The following CNTNAP2 variants were observed in gnomAD, a reference collection of about 807,000 sequenced individuals.
CNTNAP2 encodes the protein contactin associated protein 2.
A neutral mutation model predicts 155.2 loss-of-function variants in CNTNAP2; 98 were observed. That is an observed-to-expected ratio of 0.63 (90% confidence interval 0.54 to 0.75). The LOEUF (loss-of-function observed/expected upper bound fraction) is 0.75. Ranked by LOEUF, CNTNAP2 falls within the 30% of genes least tolerant of loss-of-function variation. The pLI, the probability that CNTNAP2 is intolerant of heterozygous loss-of-function variation, is 0.00. For missense variants in CNTNAP2, 1,727 were observed against 1,688.1 expected (o/e 1.02, Z -0.40); for synonymous variants, 651 against 631.2 (o/e 1.03, Z -0.47).
intron 3 of CNTNAP2, among the ~76,000 whole-genome samples, chr7:147,041,477 A>C (rs1799258754): frequency 1.3e-5 from 2 of 152,186 alleles, no homozygotes; most frequent in African/African-American, 2.4e-5. Context: ...ATCCTCCTTT[A>C]TGCCAACCTA....
rs1255722011 is a variant in CNTNAP2, at chr7:146,929,098, A to C, written c.402+89194A>C. ...TGAAGAGAGCAGTGGCTCTCCCAGC[A>C]TGCAGCTGGAGATTTGAGAATGGGC... On this transcript the variant is annotated intron_variant, in intron 3 of 23. Coordinates refer to ENST00000361727, the MANE Select transcript of CNTNAP2 (RefSeq NM_014141.6). 2.0e-5 allele frequency among the ~76,000 whole-genome samples: 3 copies of C among 152,194 alleles called. No individual in the cohort carries two copies. The East Asian group carries it at 5.8e-4, about 29-fold the overall frequency.
intron 3 of CNTNAP2, among the ~76,000 whole-genome samples, chr7:146,987,259 TC>T (rs1045808547): frequency 4.9e-4 from 74 of 152,292 alleles, no homozygotes; most frequent in African/African-American, 1.8e-3. Flanking sequence ...TGAGGTATTA[TC>T]CTTTTTTGTA....
intron 10 of CNTNAP2, among the ~76,000 whole-genome samples, chr7:147,441,402 A>G (rs1382402485): frequency 2.0e-5 from 3 of 152,022 alleles, no homozygotes; most frequent in Non-Finnish European, 4.4e-5. Context: ...CAAAACGGCT[A>G]TTTGTGAATT....
intron 1 of CNTNAP2, among the ~76,000 whole-genome samples, chr7:146,698,414 A>G (rs1310242933): frequency 6.6e-6 from 1 of 152,142 alleles, no homozygotes; most frequent in Non-Finnish European, 1.5e-5. Context: ...ATTTCACTTG[A>G]TACAGAGTTC....
intron 1 of CNTNAP2, among the ~76,000 whole-genome samples, chr7:146,313,305 T>A (rs1459308165): frequency 6.6e-6 from 1 of 152,202 alleles, no homozygotes; most frequent in African/African-American, 2.4e-5. Flanking sequence ...TCTCTGATGA[T>A]TGGAGATGTG....
chr7:146,408,747 A>G (rs1361765807), intron 1 of CNTNAP2, among the ~76,000 whole-genome samples: 1 of 152,166 alleles, frequency 6.6e-6, no homozygotes, highest in Non-Finnish European at 1.5e-5. Flanking sequence ...CGTTGTGCAC[A>G]TGTACCCTAG....
At chr7:146,331,099 T>G (rs577273861) in intron 1 of CNTNAP2, among the ~76,000 whole-genome samples, 1 of 151,806 alleles carries the variant, frequency 6.6e-6, no homozygotes, top group South Asian at 2.1e-4. Flanking sequence ...GGTCAGGAGA[T>G]CGAGACCATC....
At chr7:147,655,636 T>G (rs1364353944) in intron 13 of CNTNAP2, among the ~76,000 whole-genome samples, 1 of 152,216 alleles carries the variant, frequency 6.6e-6, no homozygotes, top group African/African-American at 2.4e-5. Flanking sequence ...GCTTAAAGTA[T>G]TCAGTAAACC....
intron 18 of CNTNAP2, among the ~76,000 whole-genome samples, chr7:148,213,237 A>G (rs916026994): frequency 6.6e-6 from 1 of 152,170 alleles, no homozygotes; most frequent in African/African-American, 2.4e-5. Context: ...AAATTCTGGG[A>G]CTAGGCCTGG....
chr7:147,844,987 T>A (rs1164214021), intron 13 of CNTNAP2, among the ~76,000 whole-genome samples: 2 of 142,042 alleles, frequency 1.4e-5, no homozygotes, highest in East Asian at 4.1e-4. Context: ...TGCTGCTGGA[T>A]TCGGTTTGCC....
intron 11 of CNTNAP2, among the ~76,000 whole-genome samples, chr7:147,511,632 G>C (rs1030753975): frequency 4.6e-5 from 7 of 151,924 alleles, no homozygotes; most frequent in Non-Finnish European, 1.0e-4. Flanking sequence ...CAGCAAGAAA[G>C]AGAGAAAGGA....
chr7:148,155,294 T>G (rs1179944758), intron 17 of CNTNAP2, among the ~76,000 whole-genome samples: 1 of 152,210 alleles, frequency 6.6e-6, no homozygotes, highest in Non-Finnish European at 1.5e-5. Flanking sequence ...CTGGGCAAAG[T>G]TGAACAGGCA....
intron 11 of CNTNAP2, among the ~76,000 whole-genome samples, chr7:147,545,523 A>G (rs1799713927): frequency 6.6e-6 from 1 of 152,188 alleles, no homozygotes; most frequent in Non-Finnish European, 1.5e-5. Context: ...TGATTCGAAT[A>G]GGTTATCAGT....
chr7:147,605,980 T>C lies in CNTNAP2; in HGVS notation c.1898-33126T>C, dbSNP rs559399934. Among the ~76,000 whole-genome samples, 29 of 152,038 alleles carry C rather than the reference T, an allele frequency of 1.9e-4. No individual in the cohort carries two copies. The South Asian group carries it at 6.1e-3, about 32-fold the overall frequency. ...AAATAACATGAGCCTCCTGTGATTG[T>C]TGTTCCCATAATAGTGAGTAGCAAG... On this transcript the variant is annotated intron_variant, in intron 12 of 23. Transcript: ENST00000361727.
intron 8 of CNTNAP2, among the ~76,000 whole-genome samples, chr7:147,262,580 G>A (rs555426627): frequency 6.6e-6 from 1 of 152,210 alleles, no homozygotes; most frequent in African/African-American, 2.4e-5. Flanking sequence ...CGAGGTGGGC[G>A]GATCACGGGT....
intron 1 of CNTNAP2, among the ~76,000 whole-genome samples, chr7:146,493,830 T>C (rs772456434): frequency 3.3e-5 from 5 of 152,114 alleles, no homozygotes; most frequent in Non-Finnish European, 7.4e-5. Flanking sequence ...TGCATTTCAA[T>C]ATAGAATGAG....
At chr7:146,739,150 C>T (rs1195113984) in intron 1 of CNTNAP2, among the ~76,000 whole-genome samples, 1 of 151,588 alleles carries the variant, frequency 6.6e-6, no homozygotes, top group Non-Finnish European at 1.5e-5. Flanking sequence ...TGCCCTGGTC[C>T]TTATTATTTT....
intron 3 of CNTNAP2, among the ~76,000 whole-genome samples, chr7:146,891,441 G>T (rs886821786): frequency 6.6e-6 from 1 of 152,156 alleles, no homozygotes; most frequent in African/African-American, 2.4e-5. Flanking sequence ...AGACAAATTT[G>T]CACGATGTTT....
At chr7:146,178,483 A>G (rs1329772969) in intron 1 of CNTNAP2, among the ~76,000 whole-genome samples, 2 of 152,174 alleles carry the variant, frequency 1.3e-5, no homozygotes, top group Non-Finnish European at 2.9e-5. Context: ...TCTCATTTAG[A>G]TATTACTCCA....
Sources: gnomAD v4.1 joint callset for allele counts (sites outside exome capture counted in the v4.1 genomes callset) on GRCh38, gnomAD v4.1.1 for gene constraint, MANE v1.5 for transcripts, NCBI Gene and HGNC (gene_info 2026-07-23, HGNC 2026-07-21) for gene names.